The following CSNK1G3 variants were observed in gnomAD, a reference collection of about 807,000 sequenced individuals.
The protein encoded by CSNK1G3 is casein kinase I isoform gamma-3.
Under a neutral mutation model 64.3 loss-of-function variants are expected in CSNK1G3, and 23 were observed. That is an observed-to-expected ratio of 0.36 (90% CI 0.26 to 0.51). The LOEUF (loss-of-function observed/expected upper bound fraction) is 0.51, where lower values mean the gene tolerates loss of function less well. Ranked by LOEUF, CSNK1G3 falls within the 20% of genes least tolerant of loss-of-function variation. The pLI, the probability that CSNK1G3 is intolerant of heterozygous loss-of-function variation, is 0.96. For synonymous variants in CSNK1G3, 158 were observed against 162.2 expected, an observed-to-expected ratio of 0.97 and a Z score of 0.20; for missense variants, 357 against 510.5, an observed-to-expected ratio of 0.70 and a Z score of 2.90.
chr5:123,600,199 A>C (rs981071361), intron 10 of CSNK1G3, among the ~76,000 whole-genome samples: 2 of 152,174 alleles, frequency 1.3e-5, no homozygotes, highest in African/African-American at 4.8e-5. Context: ...TGAATACATA[A>C]ATAAAATATA....
At chr5:123,514,651 A>G (rs571967179) in intron 1 of CSNK1G3, among the ~76,000 whole-genome samples, 1 of 151,886 alleles carries the variant, frequency 6.6e-6, no homozygotes, top group Non-Finnish European at 1.5e-5. Flanking sequence ...GAATGGATGT[A>G]GAGCTGGTAA....
intron 10 of CSNK1G3, among the ~76,000 whole-genome samples, chr5:123,604,427 T>C (rs1214706790): frequency 6.6e-6 from 1 of 151,972 alleles, no homozygotes; most frequent in Non-Finnish European, 1.5e-5. Context: ...GAGACATACA[T>C]GCAGGAGTTA....
chr5:123,565,179 A>T (rs1385962259), intron 4 of CSNK1G3, among the ~76,000 whole-genome samples: 1 of 152,228 alleles, frequency 6.6e-6, no homozygotes, highest in East Asian at 1.9e-4. Context: ...CTTAACAGTA[A>T]ACAGCTAGAT....
intron 5 of CSNK1G3, among the ~76,000 whole-genome samples, chr5:123,574,518 A>G (rs951233008): frequency 8.5e-5 from 13 of 152,138 alleles, no homozygotes; most frequent in African/African-American, 3.1e-4. Flanking sequence ...TAAAAAGTGC[A>G]TATTAAAGAT....
chr5:123,609,227 A>T (rs1795888247), intron 12 of CSNK1G3, among the ~76,000 whole-genome samples: 1 of 152,218 alleles, frequency 6.6e-6, no homozygotes, highest in South Asian at 2.1e-4. Flanking sequence ...CCAAGAAATG[A>T]CATGTGGTTT....
exon 13 of CSNK1G3, chr5:123,615,593 G>GAACAGC (rs1749319651): frequency 6.6e-6 from 1 of 150,924 alleles, no homozygotes; most frequent in South Asian, 2.1e-4. Context: ...GCCTGCATAT[G>GAACAGC]AACAACAACA....
intron 4 of CSNK1G3, among the ~76,000 whole-genome samples, chr5:123,561,147 C>T (rs1785626392): frequency 6.6e-6 from 1 of 152,112 alleles, no homozygotes; most frequent in African/African-American, 2.4e-5. Flanking sequence ...CTTTACATTA[C>T]ATTATTTAGC....
At chr5:123,556,617 C>G (rs1189221044) in intron 3 of CSNK1G3, among the ~76,000 whole-genome samples, 1 of 151,852 alleles carries the variant, frequency 6.6e-6, no homozygotes, top group East Asian at 1.9e-4. Flanking sequence ...TCTATTGATT[C>G]TTTTTGAAAT....
chr5:123,536,684 ATG>A (rs1780888170), intron 1 of CSNK1G3, among the ~76,000 whole-genome samples: 1 of 152,128 alleles, frequency 6.6e-6, no homozygotes, highest in Non-Finnish European at 1.5e-5. Flanking sequence ...GTACAATTAT[ATG>A]TCAAATAAAA....
At chr5:123,597,770 A>G (rs1220199080) in intron 10 of CSNK1G3, among the ~76,000 whole-genome samples, 1 of 152,164 alleles carries the variant, frequency 6.6e-6, no homozygotes, top group African/African-American at 2.4e-5. Flanking sequence ...CTGCAGTCAG[A>G]TTTGAGTTCA....
chr5:123,610,970 C>A (rs535000579), intron 12 of CSNK1G3, among the ~76,000 whole-genome samples: 1 of 152,224 alleles, frequency 6.6e-6, no homozygotes, highest in East Asian at 1.9e-4. Flanking sequence ...AATTCTAGTG[C>A]AAAGGCAGAT....
chr5:123,545,755 C>G, exon 2 of CSNK1G3: 1 of 1,613,524 alleles, frequency 6.2e-7, no homozygotes, highest in Non-Finnish European at 8.5e-7. Flanking sequence ...GGAACTGGGT[C>G]TTCATCGTCT....
chr5:123,580,003 G>A (rs1261856173), intron 6 of CSNK1G3, among the ~76,000 whole-genome samples: 2 of 151,998 alleles, frequency 1.3e-5, no homozygotes, highest in African/African-American at 4.8e-5. Context: ...GGCAAATTGC[G>A]ATGCCTTTGG....
At position 123,602,873 on chromosome 5, in the gene CSNK1G3, A is replaced by C. The variant is rs562064711; in HGVS notation, c.1087-1851A>C. On this transcript the variant is annotated intron_variant, in intron 10 of 12. Transcript: ENST00000345990. ...ATTGACCTCTTCCCATATGCCAGGC[A>C]CTGTGCTTTATATATTAACATTTAT... is the stretch of plus-strand genomic sequence containing the variant. 5.7e-4 allele frequency among the ~76,000 whole-genome samples: 87 copies of C among 152,270 alleles called. 1 individual carries two copies. Among genetic ancestry groups the C allele is most frequent in the African/African-American group, 1.9e-3 (80 of 41,558 alleles).
intron 4 of CSNK1G3, among the ~76,000 whole-genome samples, chr5:123,570,626 G>A (rs939065787): frequency 6.6e-5 from 10 of 152,248 alleles, no homozygotes; most frequent in Non-Finnish European, 1.5e-4. Flanking sequence ...AAAGTCCTGG[G>A]ATTACAGGCA....
chr5:123,605,476 TA>T, intron 12 of CSNK1G3, 114 bp downstream of exon 13: 1 of 1,118,640 alleles, frequency 8.9e-7, no homozygotes. Flanking sequence ...TTATAATTGG[TA>T]AAAGTTATTC....
At chr5:123,535,462 T>A (rs905169272) in intron 1 of CSNK1G3, among the ~76,000 whole-genome samples, 1 of 152,108 alleles carries the variant, frequency 6.6e-6, no homozygotes, top group Non-Finnish European at 1.5e-5. Context: ...ATTCTAATAC[T>A]GCTTGATAGG....
At chr5:123,551,611 A>G (rs1783667713) in intron 2 of CSNK1G3, among the ~76,000 whole-genome samples, 1 of 152,232 alleles carries the variant, frequency 6.6e-6, no homozygotes, top group African/African-American at 2.4e-5. Flanking sequence ...ACACTACTGT[A>G]CAAAGGTGGC....
intron 10 of CSNK1G3, among the ~76,000 whole-genome samples, chr5:123,597,735 G>A (rs1793699391): frequency 2.0e-5 from 3 of 152,114 alleles, no homozygotes; most frequent in African/African-American, 7.2e-5. Flanking sequence ...CCAGGTTGAT[G>A]ATGTTGCAAT....
Sources: allele counts gnomAD v4.1 joint callset (sites outside exome capture counted in the v4.1 genomes callset), GRCh38; gene constraint gnomAD v4.1.1; transcripts MANE v1.5; gene names NCBI Gene and HGNC (gene_info 2026-07-23, HGNC 2026-07-21).